PRR5L: variants seen among roughly 807,000 people sequenced by gnomAD.
PRR5L encodes the protein proline rich 5 like, also known as proline-rich protein 5-like.
In PRR5L, 21 loss-of-function variants were observed where a neutral mutation model predicts 36.4. That is an observed-to-expected ratio of 0.58 (90% CI 0.41 to 0.83). PRR5L has a LOEUF of 0.83. Ranked by LOEUF, PRR5L falls within the 40% of genes least tolerant of loss-of-function variation. The pLI is 0.00. For synonymous variants in PRR5L, 188 were observed against 197.0 expected (o/e 0.95, Z 0.38); for missense variants, 381 against 473.3 (o/e 0.80, Z 1.81).
chr11:36,418,675 G>A lies in PRR5L; in HGVS notation c.246-580G>A, dbSNP rs190526748. On this transcript the variant is annotated intron_variant, in intron 3 of 8. Coordinates refer to ENST00000530639, the MANE Select transcript of PRR5L (RefSeq NM_001160167.2). ...GCCGGGCATGGTGGCGGGCGCCTGT[G>A]GTCCCAGCTACTCGGGAGGCTGAGG... is the stretch of plus-strand genomic sequence containing the variant. Among the ~76,000 whole-genome samples, 1,517 of 151,956 alleles carry A rather than the reference G, an allele frequency of 1.0e-2. 15 individuals are homozygous for A. The highest frequency in any genetic ancestry group is 0.033 in the African/African-American group (1,354 of 41,426).
chr11:36,403,468 T>TTG (rs1427594126), intron 3 of PRR5L, 90 bp downstream of exon 3: 35 of 934,542 alleles, frequency 3.7e-5, no homozygotes, highest in Non-Finnish European at 3.9e-5. Flanking sequence ...TAAGGGTTTT[T>TTG]TTTTTTTTTT....
At chr11:36,426,372 C>T (rs971929586) in intron 4 of PRR5L, among the ~76,000 whole-genome samples, 10 of 152,210 alleles carry the variant, frequency 6.6e-5, no homozygotes, top group African/African-American at 2.4e-4. Context: ...AGCCTCGTTA[C>T]TTAGTCTCTC....
chr11:36,432,720 CT>C (rs1227754013), intron 5 of PRR5L, among the ~76,000 whole-genome samples: 11 of 152,096 alleles, frequency 7.2e-5, no homozygotes, highest in Non-Finnish European at 1.3e-4. Context: ...ATACCGGACC[CT>C]TTCTTTTTTT....
chr11:36,345,509 G>C (rs934318050), intron 1 of PRR5L, among the ~76,000 whole-genome samples: 1 of 150,250 alleles, frequency 6.7e-6, no homozygotes, highest in African/African-American at 2.4e-5. Flanking sequence ...AATTCATGCA[G>C]AAAAAAAAAC....
intron 1 of PRR5L, among the ~76,000 whole-genome samples, chr11:36,341,571 T>C (rs900521416): frequency 3.3e-5 from 5 of 152,190 alleles, no homozygotes; most frequent in Non-Finnish European, 5.9e-5. Flanking sequence ...AGCAGAGCCA[T>C]TAAGACCACC....
intron 1 of PRR5L, among the ~76,000 whole-genome samples, chr11:36,348,641 G>A (rs576607528): frequency 1.3e-5 from 2 of 152,076 alleles, no homozygotes; most frequent in African/African-American, 4.8e-5. Flanking sequence ...GAGAGAGTTG[G>A]GTCTTTGTCT....
In PRR5L at chr11:36,462,904, C is replaced by G. The variant is rs891773319; in HGVS notation, c.*168C>G. The stretch of plus-strand genomic sequence containing the variant: ...AAGGGGAAACCGTTGTTGTAAACCT[C>G]TTTATTTTGGTGACTGTGACCACTT... On this transcript the variant is annotated 3_prime_UTR_variant, in exon 9 of 9. Transcript: ENST00000530639. The G allele has an allele frequency of 1.7e-6, 1 of 602,018 alleles. No homozygotes were observed. The highest frequency in any genetic ancestry group is 2.6e-6 in the Non-Finnish European group (1 of 383,150). 37.3% of individuals were successfully genotyped at this position (602,018 alleles called of 1,614,324 possible). A position where few individuals can be genotyped will look rare whatever the true frequency, so the allele number is the denominator to read the frequency against.
At chr11:36,374,386 C>A (rs779267375) in intron 1 of PRR5L, among the ~76,000 whole-genome samples, 5 of 152,044 alleles carry the variant, frequency 3.3e-5, no homozygotes, top group Middle Eastern at 3.4e-3. Flanking sequence ...AGCCACCACA[C>A]CCGGCCAAAA....
intron 1 of PRR5L, among the ~76,000 whole-genome samples, chr11:36,353,597 C>T (rs773959491): frequency 1.3e-5 from 2 of 152,098 alleles, no homozygotes; most frequent in Non-Finnish European, 2.9e-5. Context: ...AATTTTTCCA[C>T]GGAGGGTTAG....
intron 1 of PRR5L, among the ~76,000 whole-genome samples, chr11:36,335,584 T>C (rs1856761472): frequency 6.6e-6 from 1 of 152,178 alleles, no homozygotes; most frequent in African/African-American, 2.4e-5. Flanking sequence ...CCTTGTGATA[T>C]GGTTATATTG....
rs1857205283 is a variant in PRR5L, at chr11:36,372,263, T to C, written c.-125-28734T>C. Among the ~76,000 whole-genome samples, 2 of 151,944 alleles carry C rather than the reference T, an allele frequency of 1.3e-5. 1 individual carries two copies. Among genetic ancestry groups the C allele is most frequent in the East Asian group, 3.9e-4 (2 of 5,180 alleles). On this transcript the variant is annotated intron_variant, in intron 1 of 8. Transcript: ENST00000530639. ...CTGAACTTGGTCTGGTTAGGCTCTGTGCGGGGTAGAAATGAGTAATGGGAA... is the reference window on the plus strand; with the variant it reads ...CTGAACTTGGTCTGGTTAGGCTCTGCGCGGGGTAGAAATGAGTAATGGGAA...
chr11:36,388,701 T>TC (rs2133539153), intron 1 of PRR5L, among the ~76,000 whole-genome samples: 1 of 139,162 alleles, frequency 7.2e-6, no homozygotes, highest in South Asian at 2.6e-4. Flanking sequence ...TTTCTTTCTT[T>TC]TTTTTTTTTT....
intron 3 of PRR5L, 89 bp downstream of exon 3, chr11:36,403,467 T>TTTG (rs1241358825): frequency 4.9e-6 from 4 of 810,608 alleles, no homozygotes; most frequent in Non-Finnish European, 7.5e-6. Context: ...TTAAGGGTTT[T>TTTG]TTTTTTTTTT....
At chr11:36,451,957 C>G (rs1266857925) in intron 8 of PRR5L, among the ~76,000 whole-genome samples, 1 of 152,096 alleles carries the variant, frequency 6.6e-6, no homozygotes, top group African/African-American at 2.4e-5. Context: ...TGAATCAGAT[C>G]TGTTCCTTCT....
In PRR5L at chr11:36,315,673, G is replaced by A. The variant is rs541133779; in HGVS notation, c.-126+19235G>A. 5.9e-5 allele frequency among the ~76,000 whole-genome samples: 9 copies of A among 152,308 alleles called. No homozygotes were observed. The South Asian group carries it at 1.9e-3, about 32-fold the overall frequency. ...CCCTTTGATTTTGTATAAACTGTGA[G>A]CAATTGGCCATATTCCACAAGCAAC... On this transcript the variant is annotated intron_variant, in intron 1 of 8. Coordinates refer to ENST00000530639, the MANE Select transcript of PRR5L (RefSeq NM_001160167.2).
rs1295057346 is a variant in PRR5L, at chr11:36,464,965, T to TA, written c.*2235dup. The TA allele has an allele frequency of 2.0e-5, 3 of 152,202 alleles. No homozygotes were observed. Among genetic ancestry groups the TA allele is most frequent in the African/African-American group, 7.2e-5 (3 of 41,446 alleles). 9.4% of individuals were successfully genotyped at this position (152,202 alleles called of 1,614,324 possible). A position where few individuals can be genotyped will look rare whatever the true frequency, so the allele number is the denominator to read the frequency against. ...TTGTGCAGTAAATAGACTGTACCTATAAAAAATTTTATTGATGTTTATGGT... is the reference window on the plus strand; with the variant it reads ...TTGTGCAGTAAATAGACTGTACCTATAAAAAAATTTTATTGATGTTTATGGT... On this transcript the variant is annotated 3_prime_UTR_variant, in exon 9 of 9. Coordinates refer to ENST00000530639, the MANE Select transcript of PRR5L (RefSeq NM_001160167.2).
intron 4 of PRR5L, among the ~76,000 whole-genome samples, chr11:36,424,998 T>C (rs902331907): frequency 2.0e-5 from 3 of 152,168 alleles, no homozygotes; most frequent in Admixed American, 2.0e-4. Context: ...ATTTTTGTAA[T>C]TTTAGTAGAG....
intron 3 of PRR5L, among the ~76,000 whole-genome samples, chr11:36,407,403 GA>G (rs1441816062): frequency 6.6e-6 from 1 of 152,130 alleles, no homozygotes; most frequent in Admixed American, 6.5e-5. Flanking sequence ...TCCTGTCTCA[GA>G]AAAAACTTCT....
rs199578894 is a variant in PRR5L, at chr11:36,299,875, AAAC to A, written c.-126+3456_-126+3458del. On this transcript the variant is annotated intron_variant, in intron 1 of 8. Coordinates refer to ENST00000530639, the MANE Select transcript of PRR5L (RefSeq NM_001160167.2). Reference sequence around the variant, plus strand: ...CTTCTTAGCAGAAAACTATAAAGGTAAACAACAACAACAACAACAACGACAAAC... The same window carrying A: ...CTTCTTAGCAGAAAACTATAAAGGTAAACAACAACAACAACAACGACAAAC... Among the ~76,000 whole-genome samples the A allele has an allele frequency of 1.5e-3, 235 of 152,196 alleles. 1 individual carries two copies. The highest frequency in any genetic ancestry group is 4.9e-3 in the African/African-American group (202 of 41,516).
Sources: gnomAD v4.1 joint callset for allele counts (sites outside exome capture counted in the v4.1 genomes callset) on GRCh38, gnomAD v4.1.1 for gene constraint, MANE v1.5 for transcripts, NCBI Gene and HGNC (gene_info 2026-07-23, HGNC 2026-07-21) for gene names.